The following NKAIN2 variants were observed in gnomAD, a reference collection of about 807,000 sequenced individuals.
NKAIN2 encodes sodium/potassium-transporting ATPase subunit beta-1-interacting protein 2.
NKAIN2 carries 14 observed loss-of-function variants against 32.6 expected under a neutral mutation model. The observed-to-expected ratio is 0.43, with a 90% confidence interval of 0.28 to 0.67. The LOEUF (loss-of-function observed/expected upper bound fraction) is 0.67, where lower values mean the gene tolerates loss of function less well. Ranked by LOEUF, NKAIN2 falls within the 30% of genes least tolerant of loss-of-function variation. The pLI is 0.17. For missense variants in NKAIN2, 198 were observed against 258.3 expected (o/e 0.77, Z 1.60); for synonymous variants, 80 against 87.2 (o/e 0.92, Z 0.46).
intron 2 of NKAIN2, among the ~76,000 whole-genome samples, chr6:124,298,248 T>A (rs1796147256): frequency 6.6e-6 from 1 of 152,176 alleles, no homozygotes. Flanking sequence ...TAATGTTTTT[T>A]ATGTATTGCC....
intron 3 of NKAIN2, among the ~76,000 whole-genome samples, chr6:124,502,884 G>A (rs1013909033): frequency 1.3e-5 from 2 of 152,054 alleles, no homozygotes; most frequent in Admixed American, 6.6e-5. Flanking sequence ...TATCTGCTGA[G>A]GATAGTGGTT....
intron 1 of NKAIN2, among the ~76,000 whole-genome samples, chr6:123,894,019 A>G (rs1774150379): frequency 6.6e-6 from 1 of 152,244 alleles, no homozygotes; most frequent in African/African-American, 2.4e-5. Flanking sequence ...TGAATTTTAT[A>G]ATTTTGTTTG....
At chr6:124,726,211 T>G (rs1364766202) in intron 4 of NKAIN2, among the ~76,000 whole-genome samples, 1 of 152,074 alleles carries the variant, frequency 6.6e-6, no homozygotes, top group East Asian at 1.9e-4. Flanking sequence ...CCACCACAGC[T>G]CAAGGAGGCC....
chr6:124,028,904 CACATATATGTAT>C (rs1562317511), intron 1 of NKAIN2, among the ~76,000 whole-genome samples: 3 of 15,820 alleles, frequency 1.9e-4, no homozygotes, highest in African/African-American at 1.7e-3. Context: ...TATATATATA[CACATATATGTAT>C]ATATATGTGT....
intron 3 of NKAIN2, among the ~76,000 whole-genome samples, chr6:124,441,982 T>G (rs1775709021): frequency 6.6e-6 from 1 of 152,038 alleles, no homozygotes; most frequent in Admixed American, 6.6e-5. Context: ...TACATACACA[T>G]AAGACTAGCA....
intron 3 of NKAIN2, among the ~76,000 whole-genome samples, chr6:124,419,270 T>C (rs1176508029): frequency 1.3e-5 from 2 of 152,176 alleles, no homozygotes; most frequent in Admixed American, 6.6e-5. Context: ...GTAACCTCTA[T>C]TAATCTCATG....
At chr6:124,066,448 A>G (rs1163019509) in intron 1 of NKAIN2, among the ~76,000 whole-genome samples, 1 of 152,178 alleles carries the variant, frequency 6.6e-6, no homozygotes, top group Non-Finnish European at 1.5e-5. Flanking sequence ...GCTTCTGCAG[A>G]GCAGTAAAGT....
At chr6:124,650,084 G>A (rs1168783378) in intron 3 of NKAIN2, among the ~76,000 whole-genome samples, 1 of 152,154 alleles carries the variant, frequency 6.6e-6, no homozygotes, top group South Asian at 2.1e-4. Flanking sequence ...ACTAAGATCA[G>A]GAACAAAGCA....
intron 3 of NKAIN2, among the ~76,000 whole-genome samples, chr6:124,456,204 C>T (rs1184038139): frequency 2.6e-5 from 4 of 151,738 alleles, no homozygotes. Flanking sequence ...TCAATACATA[C>T]AAAGCTTTTT....
At chr6:124,321,640 C>T (rs1583045340) in intron 2 of NKAIN2, among the ~76,000 whole-genome samples, 1 of 152,046 alleles carries the variant, frequency 6.6e-6, no homozygotes, top group Non-Finnish European at 1.5e-5. Context: ...CAACAAACAT[C>T]CAGTGAAGAG....
intron 5 of NKAIN2, among the ~76,000 whole-genome samples, chr6:124,809,432 G>A (rs1407468458): frequency 1.4e-5 from 2 of 146,940 alleles, no homozygotes; most frequent in Non-Finnish European, 1.5e-5. Flanking sequence ...CTAGCCATAT[G>A]TAGAAAGCTG....
intron 1 of NKAIN2, among the ~76,000 whole-genome samples, chr6:123,969,929 A>G (rs1202383850): frequency 1.3e-5 from 2 of 152,224 alleles, no homozygotes; most frequent in African/African-American, 4.8e-5. Context: ...ATTCACTTAT[A>G]GTGGATATAT....
intron 1 of NKAIN2, among the ~76,000 whole-genome samples, chr6:124,217,979 A>C (rs1791577029): frequency 1.3e-5 from 2 of 152,110 alleles, no homozygotes; most frequent in Admixed American, 1.3e-4. Flanking sequence ...GGTCGTTTGC[A>C]GTAAGAATGG....
intron 3 of NKAIN2, among the ~76,000 whole-genome samples, chr6:124,550,198 A>G (rs1780238786): frequency 6.6e-6 from 1 of 152,250 alleles, no homozygotes; most frequent in South Asian, 2.1e-4. Context: ...TTAATTACCT[A>G]TTTATATCAG....
At chr6:124,241,500 A>C (rs1302539679) in intron 1 of NKAIN2, among the ~76,000 whole-genome samples, 1 of 152,194 alleles carries the variant, frequency 6.6e-6, no homozygotes, top group African/African-American at 2.4e-5. Context: ...CTATAATATA[A>C]GGCAACAGTA....
chr6:124,618,271 A>C (rs1316072223), intron 3 of NKAIN2, among the ~76,000 whole-genome samples: 1 of 152,190 alleles, frequency 6.6e-6, no homozygotes, highest in Non-Finnish European at 1.5e-5. Flanking sequence ...TGAGGTCAGG[A>C]GTTCAAGACC....
At chr6:124,047,446 C>A (rs55920770) in intron 1 of NKAIN2, among the ~76,000 whole-genome samples, 36,831 of 149,188 alleles carry the variant, frequency 0.25, 4,847 homozygotes, top group South Asian at 0.35. Context: ...CTCTCTCTCT[C>A]TCTATATATA....
At chr6:124,017,115 G>A (rs1206891152) in intron 1 of NKAIN2, among the ~76,000 whole-genome samples, 1 of 152,170 alleles carries the variant, frequency 6.6e-6, no homozygotes, top group African/African-American at 2.4e-5. Context: ...GGAAGACAAA[G>A]GAGAAGCAAA....
intron 1 of NKAIN2, among the ~76,000 whole-genome samples, chr6:124,266,953 C>A (rs1446643506): frequency 2.0e-5 from 3 of 151,566 alleles, no homozygotes; most frequent in Non-Finnish European, 2.9e-5. Context: ...CTGTGATTAG[C>A]AAACTTGAAG....
Sources: gnomAD v4.1 joint callset for allele counts (sites outside exome capture counted in the v4.1 genomes callset) on GRCh38, gnomAD v4.1.1 for gene constraint, MANE v1.5 for transcripts, NCBI Gene and HGNC (gene_info 2026-07-23, HGNC 2026-07-21) for gene names.